CREB1: variants seen among roughly 807,000 people sequenced by gnomAD.
CREB1 encodes the protein cyclic AMP-responsive element-binding protein 1.
Under a neutral mutation model 42.0 loss-of-function variants are expected in CREB1, and 2 were observed. The observed-to-expected ratio is 0.05, with a 90% CI of 0.02 to 0.15. The LOEUF (loss-of-function observed/expected upper bound fraction) is 0.15. Ranked by LOEUF, CREB1 falls within the 10% of genes least tolerant of loss-of-function variation. The pLI, the probability that CREB1 is intolerant of heterozygous loss-of-function variation, is 1.00. For synonymous variants in CREB1, 123 were observed against 139.9 expected, an observed-to-expected ratio of 0.88 and a Z score of 0.85; for missense variants, 199 against 388.9, an observed-to-expected ratio of 0.51 and a Z score of 4.11.
intron 7 of CREB1, among the ~76,000 whole-genome samples, chr2:207,588,374 A>G (rs1458400724): frequency 3.9e-5 from 6 of 151,972 alleles, no homozygotes; most frequent in Non-Finnish European, 7.4e-5. Flanking sequence ...TGTTTCTTGG[A>G]TATCTTTCCA....
At chr2:207,554,701 A>T (rs2081645323) in intron 1 of CREB1, among the ~76,000 whole-genome samples, 1 of 152,220 alleles carries the variant, frequency 6.6e-6, no homozygotes, top group African/African-American at 2.4e-5. Context: ...AGCAGAGTCC[A>T]AATGTAAGAT....
chr2:207,576,387 T>C (rs2106574968), intron 6 of CREB1, among the ~76,000 whole-genome samples: 1 of 151,968 alleles, frequency 6.6e-6, no homozygotes, highest in Non-Finnish European at 1.5e-5. Context: ...GAGGAAATAA[T>C]AATAAATTTG....
chr2:207,541,444 A>G (rs929410758), intron 1 of CREB1, among the ~76,000 whole-genome samples: 1 of 151,990 alleles, frequency 6.6e-6, no homozygotes, highest in Non-Finnish European at 1.5e-5. Context: ...ATATGTTTCG[A>G]TAACAAATAC....
At chr2:207,558,938 C>T (rs911739316) in intron 2 of CREB1, among the ~76,000 whole-genome samples, 22 of 152,286 alleles carry the variant, frequency 1.4e-4, no homozygotes, top group Middle Eastern at 6.8e-3. Context: ...CCACATTGCC[C>T]GGCCTAAAGT....
chr2:207,534,893 A>G (rs1039754641), intron 1 of CREB1, among the ~76,000 whole-genome samples: 1 of 152,174 alleles, frequency 6.6e-6, no homozygotes, highest in African/African-American at 2.4e-5. Context: ...TTTTTGTACA[A>G]ATGGTAGCAT....
chr2:207,576,899 A>G, intron 6 of CREB1: 1 of 916,502 alleles, frequency 1.1e-6, no homozygotes, highest in Non-Finnish European at 1.3e-6. Flanking sequence ...TGAATCAGTT[A>G]GAAAAATAAA....
At chr2:207,592,083 A>G (rs1440599439) in intron 7 of CREB1, among the ~76,000 whole-genome samples, 1 of 152,162 alleles carries the variant, frequency 6.6e-6, no homozygotes, top group African/African-American at 2.4e-5. Context: ...TTTCATCATC[A>G]TATTTGAAAG....
intron 5 of CREB1, among the ~76,000 whole-genome samples, chr2:207,574,112 T>C (rs1035978316): frequency 2.0e-5 from 3 of 152,228 alleles, no homozygotes; most frequent in East Asian, 1.9e-4. Context: ...AGCCATTAAC[T>C]CTTCTTACTT....
At chr2:207,566,638 A>G (rs1574852007) in intron 3 of CREB1, among the ~76,000 whole-genome samples, 1 of 152,126 alleles carries the variant, frequency 6.6e-6, no homozygotes, top group African/African-American at 2.4e-5. Flanking sequence ...CAGTGGCTCC[A>G]CTACTTCCTA....
At chr2:207,552,721 T>C (rs2081560753) in intron 1 of CREB1, among the ~76,000 whole-genome samples, 1 of 151,324 alleles carries the variant, frequency 6.6e-6, no homozygotes, top group African/African-American at 2.4e-5. Context: ...TTCTCCTGCC[T>C]CAGCCTCCCA....
chr2:207,555,607 C>T, intron 1 of CREB1, 21 bp from the exon 2 acceptor site: 2 of 1,483,400 alleles, frequency 1.3e-6, no homozygotes, highest in Non-Finnish European at 9.4e-7. Flanking sequence ...GTGCTTGTAA[C>T]ACTCTTCCAT....
chr2:207,579,291 G>C (rs1478384044), intron 7 of CREB1, among the ~76,000 whole-genome samples: 2 of 152,150 alleles, frequency 1.3e-5, no homozygotes, highest in Non-Finnish European at 2.9e-5. Context: ...GTCTGATCAA[G>C]AAGTCTCAAG....
intron 7 of CREB1, 73 bp from the exon 8 acceptor site, chr2:207,596,839 GAA>G: frequency 1.5e-6 from 2 of 1,363,556 alleles, no homozygotes; most frequent in Admixed American, 2.5e-5. Context: ...CTTTAAAAAA[GAA>G]AAAAAAAAGG....
chr2:207,555,871 A>C (rs889743724), intron 2 of CREB1, 122 bp downstream of exon 2: 5 of 601,248 alleles, frequency 8.3e-6, no homozygotes, highest in Non-Finnish European at 1.5e-5. Flanking sequence ...TACAATATCA[A>C]AATTCCTATT....
intron 7 of CREB1, among the ~76,000 whole-genome samples, chr2:207,595,162 A>G (rs1193568644): frequency 6.6e-6 from 1 of 150,894 alleles, no homozygotes; most frequent in Non-Finnish European, 1.5e-5. Context: ...TACCTGGCTA[A>G]TTTTTGTATT....
chr2:207,581,284 AT>A (rs2082923836), intron 7 of CREB1: 1 of 197,372 alleles, frequency 5.1e-6, no homozygotes, highest in Admixed American at 6.1e-5. Flanking sequence ...AATTTGAAAA[AT>A]TCTAAAAAAA....
chr2:207,579,875 A>G (rs754511427), intron 7 of CREB1, among the ~76,000 whole-genome samples: 1 of 152,040 alleles, frequency 6.6e-6, no homozygotes, highest in Non-Finnish European at 1.5e-5. Context: ...TTTTAACTCT[A>G]TGGAGTATTT....
At chr2:207,537,759 A>G (rs1295741108) in intron 1 of CREB1, among the ~76,000 whole-genome samples, 2 of 152,224 alleles carry the variant, frequency 1.3e-5, no homozygotes, top group South Asian at 2.1e-4. Context: ...TGTCTTATCT[A>G]CTGGGTTTTT....
chr2:207,567,335 C>T (rs547644809), intron 3 of CREB1, 128 bp from the exon 4 acceptor site: 38 of 569,936 alleles, frequency 6.7e-5, no homozygotes, highest in Non-Finnish European at 1.1e-4. Flanking sequence ...GTGGTTGTCT[C>T]CCATAAGAAC....
Sources: gnomAD v4.1 joint callset for allele counts (sites outside exome capture counted in the v4.1 genomes callset) on GRCh38, gnomAD v4.1.1 for gene constraint, MANE v1.5 for transcripts, NCBI Gene and HGNC (gene_info 2026-07-23, HGNC 2026-07-21) for gene names.